PRTG: variants seen among roughly 807,000 people sequenced by gnomAD.
PRTG encodes the protein immunoglobulin superfamily, DCC subclass, member 5.
In PRTG, 67 loss-of-function variants were observed where a neutral mutation model predicts 122.5. The observed-to-expected ratio is 0.55, with a 90% CI of 0.45 to 0.67. The LOEUF (loss-of-function observed/expected upper bound fraction) is 0.67. PRTG is among the 30% of genes least tolerant of loss of function. The pLI is 0.00. For missense variants in PRTG, 1,435 were observed against 1,415.4 expected, an observed-to-expected ratio of 1.01 and a Z score of -0.22; for synonymous variants, 554 against 501.1, an observed-to-expected ratio of 1.11 and a Z score of -1.41.
chr15:55,648,405 T>G (rs1595618596), intron 11 of PRTG, among the ~76,000 whole-genome samples: 1 of 152,236 alleles, frequency 6.6e-6, no homozygotes, highest in South Asian at 2.1e-4. Context: ...GCATATGATC[T>G]AACAATAATA....
chr15:55,632,464 A>C (rs1470538333), intron 15 of PRTG, among the ~76,000 whole-genome samples: 1 of 152,100 alleles, frequency 6.6e-6, no homozygotes, highest in African/African-American at 2.4e-5. Flanking sequence ...ACGTAAACCT[A>C]ATCAAAGGTC....
intron 4 of PRTG, among the ~76,000 whole-genome samples, chr15:55,681,067 T>C (rs1382560829): frequency 1.3e-5 from 2 of 152,202 alleles, no homozygotes; most frequent in Non-Finnish European, 2.9e-5. Flanking sequence ...TGTTGTTACA[T>C]GTATAAGTAC....
intron 2 of PRTG, among the ~76,000 whole-genome samples, chr15:55,701,263 G>A (rs574201089): frequency 9.2e-5 from 14 of 152,200 alleles, no homozygotes; most frequent in South Asian, 8.3e-4. Context: ...TTGGCCGGGC[G>A]CGGTGGCTCA....
intron 18 of PRTG, among the ~76,000 whole-genome samples, chr15:55,623,623 C>G (rs772823514): frequency 1.3e-5 from 2 of 152,144 alleles, no homozygotes; most frequent in Non-Finnish European, 2.9e-5. Context: ...AAACAGGCCC[C>G]AGGCTAGCCT....
intron 2 of PRTG, among the ~76,000 whole-genome samples, chr15:55,686,408 A>AT (rs909338673): frequency 5.3e-5 from 8 of 152,018 alleles, no homozygotes; most frequent in East Asian, 1.9e-4. Context: ...CTTAGTTTAA[A>AT]TTTTTTTTAC....
intron 2 of PRTG, among the ~76,000 whole-genome samples, chr15:55,697,398 C>T (rs1458361430): frequency 6.6e-6 from 1 of 152,226 alleles, no homozygotes; most frequent in South Asian, 2.1e-4. Context: ...ACCACATCAC[C>T]ACCTCCCTCC....
chr15:55,640,000 T>C (rs1246846569), intron 12 of PRTG, 172 bp from the exon 13 acceptor site: 2 of 976,774 alleles, frequency 2.0e-6, no homozygotes, highest in Non-Finnish European at 2.4e-6. Context: ...AGCTCTTCCG[T>C]GAGTTATATA....
chr15:55,683,194 T>C (rs974368472), intron 3 of PRTG, among the ~76,000 whole-genome samples: 1 of 152,172 alleles, frequency 6.6e-6, no homozygotes, highest in Admixed American at 6.5e-5. Context: ...GCTTTTTTTT[T>C]TTAAATAAAG....
At chr15:55,646,509 A>G (rs917706799) in intron 11 of PRTG, among the ~76,000 whole-genome samples, 5 of 151,392 alleles carry the variant, frequency 3.3e-5, no homozygotes, top group Middle Eastern at 3.4e-3. Flanking sequence ...TTTTTAGTAG[A>G]GACGGGGTTT....
chr15:55,727,341 AAAAAT>A (rs1285997883), intron 2 of PRTG, among the ~76,000 whole-genome samples: 1 of 152,226 alleles, frequency 6.6e-6, no homozygotes, highest in Non-Finnish European at 1.5e-5. Context: ...CTGACTTAAA[AAAAAT>A]AAAAAAGATG....
At chr15:55,666,674 A>G (rs2059441077) in intron 11 of PRTG, among the ~76,000 whole-genome samples, 1 of 152,202 alleles carries the variant, frequency 6.6e-6, no homozygotes, top group South Asian at 2.1e-4. Flanking sequence ...AATATTTTTA[A>G]AACATACAGA....
intron 2 of PRTG, among the ~76,000 whole-genome samples, chr15:55,710,057 T>G (rs1431483251): frequency 2.6e-5 from 4 of 152,158 alleles, no homozygotes; most frequent in Non-Finnish European, 5.9e-5. Context: ...TGGGCATATA[T>G]GTGTTTGTAA....
At chr15:55,689,587 T>C (rs1174817492) in intron 2 of PRTG, among the ~76,000 whole-genome samples, 2 of 150,628 alleles carry the variant, frequency 1.3e-5, no homozygotes, top group East Asian at 2.0e-4. Flanking sequence ...TGTATACCTA[T>C]GTAACAAACC....
chr15:55,673,798 G>A, intron 9 of PRTG, 122 bp from the exon 10 acceptor site: 1 of 746,308 alleles, frequency 1.3e-6, no homozygotes, highest in Non-Finnish European at 2.2e-6. Flanking sequence ...TTCAGCCCTA[G>A]CAGAGGTTTT....
chr15:55,741,265 T>C (rs2031597868), intron 1 of PRTG, among the ~76,000 whole-genome samples: 1 of 152,246 alleles, frequency 6.6e-6, no homozygotes, highest in East Asian at 1.9e-4. Context: ...ATTTACTTAA[T>C]TTCTGCAAAG....
chr15:55,678,922 T>C (rs1019066891), intron 7 of PRTG, among the ~76,000 whole-genome samples: 3 of 152,212 alleles, frequency 2.0e-5, no homozygotes, highest in Non-Finnish European at 4.4e-5. Context: ...GAATTATTTC[T>C]TCTAATTTCC....
intron 11 of PRTG, among the ~76,000 whole-genome samples, chr15:55,647,317 T>G (rs1471476754): frequency 6.6e-6 from 1 of 152,112 alleles, no homozygotes; most frequent in Non-Finnish European, 1.5e-5. Flanking sequence ...GAAGTCTGGC[T>G]GGCTAAGAAA....
chr15:55,697,301 TCTTA>T (rs1276678789), intron 2 of PRTG, among the ~76,000 whole-genome samples: 1 of 152,176 alleles, frequency 6.6e-6, no homozygotes, highest in Non-Finnish European at 1.5e-5. Flanking sequence ...AGAGAACATG[TCTTA>T]CTTGTCTGTG....
At chr15:55,731,366 CTTTTTTT>C (rs10658460) in intron 2 of PRTG, among the ~76,000 whole-genome samples, 11 of 103,778 alleles carry the variant, frequency 1.1e-4, no homozygotes, top group East Asian at 2.8e-4. Context: ...CCTTATCATT[CTTTTTTT>C]TTTTTTTTTT....
Sources: gnomAD v4.1 joint callset for allele counts (sites outside exome capture counted in the v4.1 genomes callset) on GRCh38, gnomAD v4.1.1 for gene constraint, MANE v1.5 for transcripts, NCBI Gene and HGNC (gene_info 2026-07-23, HGNC 2026-07-21) for gene names.